The following CCDC141 variants were observed in gnomAD, a reference collection of about 807,000 sequenced individuals.
CCDC141 encodes coiled-coil domain-containing protein 141.
A neutral mutation model predicts 181.0 loss-of-function variants in CCDC141; 168 were observed. That is an observed-to-expected ratio of 0.93 (90% CI 0.82 to 1.05). CCDC141 has a LOEUF of 1.05. CCDC141 is among the 50% of genes least tolerant of loss of function. The pLI is 0.00. For missense variants in CCDC141, 1,902 were observed against 1,788.5 expected (o/e 1.06, Z -1.14); for synonymous variants, 666 against 642.3 (o/e 1.04, Z -0.56).
intron 2 of CCDC141, among the ~76,000 whole-genome samples, chr2:179,015,697 CAT>C (rs1476949206): frequency 9.2e-5 from 11 of 119,064 alleles, no homozygotes; most frequent in African/African-American, 2.0e-4. Context: ...ATACATATCT[CAT>C]ATATATATCT....
At position 178,837,673 on chromosome 2, in the gene CCDC141, C is replaced by A; in HGVS notation, c.3546G>T (p.Lys1182Asn). ...TGEERLPQDL[K>N]VSTDKEGGVQ... ...CGCCACCCTCCTTGTCAGTGGACAC[C>A]TTCAGGTCTTGTGGTAGTCGCTCTT... is the stretch of plus-strand genomic sequence containing the variant. Residue 1182 changes from lysine to asparagine, a missense_variant, in exon 23 of 24, where the codon AAG becomes AAT. Coordinates refer to ENST00000443758, the MANE Select transcript of CCDC141 (RefSeq NM_173648.4). 1 of 1,614,066 alleles carries A rather than the reference C, an allele frequency of 6.2e-7. No homozygotes were observed. The highest frequency in any genetic ancestry group is 8.5e-7 in the Non-Finnish European group (1 of 1,179,958).
At chr2:179,041,749 G>T (rs1048339898) in intron 2 of CCDC141, among the ~76,000 whole-genome samples, 2 of 152,026 alleles carry the variant, frequency 1.3e-5, no homozygotes, top group Non-Finnish European at 2.9e-5. Context: ...AACAGAAAAA[G>T]CAAGATTTGC....
intron 2 of CCDC141, among the ~76,000 whole-genome samples, chr2:179,046,535 C>T (rs771900961): frequency 1.5e-4 from 23 of 152,216 alleles, no homozygotes; most frequent in Non-Finnish European, 2.9e-4. Context: ...ATGTCCTTTG[C>T]ACTGAGTCAT....
At chr2:178,964,327 G>A (rs1162860203) in intron 4 of CCDC141, among the ~76,000 whole-genome samples, 1 of 152,116 alleles carries the variant, frequency 6.6e-6, no homozygotes, top group Admixed American at 6.6e-5. Context: ...TCTCCACAGG[G>A]TTTCCTTCCT....
At chr2:179,032,437 C>G (rs933180193) in intron 2 of CCDC141, among the ~76,000 whole-genome samples, 3 of 152,136 alleles carry the variant, frequency 2.0e-5, no homozygotes, top group Admixed American at 6.6e-5. Context: ...GGGATTTTCC[C>G]TCTCCCTCTC....
intron 7 of CCDC141, among the ~76,000 whole-genome samples, chr2:178,915,089 C>T (rs1402150529): frequency 6.6e-6 from 1 of 151,968 alleles, no homozygotes; most frequent in Non-Finnish European, 1.5e-5. Context: ...GAGAGGATTA[C>T]CTGAGCCCCG....
Position 178,944,536 on chromosome 2 carries a change from T to C in CCDC141, c.896A>G (p.Lys299Arg), listed in dbSNP as rs1276794216. The change falls in exon 6 of 24, where the codon AAG becomes AGG. Residue 299 changes from lysine (K) to arginine (R), a missense_variant and splice_region_variant. Physicochemically the swap from Lys to Arg is conservative, Grantham distance 26. Coordinates refer to ENST00000443758, the MANE Select transcript of CCDC141 (RefSeq NM_173648.4). ...HKQEELIIKA[K>R]EWNSAVEKLK... ...TAGTGTGTCTAATATATCTCTTACC[T>C]TTGCTTTTATTATCAGTTCCTCTTG... is the stretch of plus-strand genomic sequence containing the variant. 6.9e-7 allele frequency: 1 copy of C among 1,443,384 alleles called. No homozygotes were observed. The highest frequency in any genetic ancestry group is 2.5e-5 in the East Asian group (1 of 39,710). 89.4% of individuals were successfully genotyped at this position (1,443,384 alleles called of 1,614,324 possible).
chr2:178,940,931 G>C (rs538987763), intron 6 of CCDC141, among the ~76,000 whole-genome samples: 1 of 152,242 alleles, frequency 6.6e-6, no homozygotes, highest in South Asian at 2.1e-4. Context: ...TCCTTTACAG[G>C]ATTTGAAAAT....
rs756163568 is a variant in CCDC141 at position 179,004,181 on chromosome 2, T to C, written c.226-25506A>G. ...AGAATGAAATGTTGCATTTTGGGAT[T>C]TGTAGTTCCTTTGGGCTGAAGACTG... On this transcript the variant is annotated intron_variant, in intron 2 of 23. Transcript: ENST00000443758. 4.6e-5 allele frequency among the ~76,000 whole-genome samples: 7 copies of C among 152,290 alleles called. No homozygotes were observed. The South Asian group carries it at 8.3e-4, about 18-fold the overall frequency.
chr2:179,014,188 A>G (rs759150535), intron 2 of CCDC141, among the ~76,000 whole-genome samples: 1 of 152,098 alleles, frequency 6.6e-6, no homozygotes, highest in Non-Finnish European at 1.5e-5. Context: ...ACCCTTTTCA[A>G]CAAATGGTGC....
intron 12 of CCDC141, among the ~76,000 whole-genome samples, chr2:178,872,736 G>T (rs1686177270): frequency 6.6e-6 from 1 of 152,190 alleles, no homozygotes; most frequent in Non-Finnish European, 1.5e-5. Flanking sequence ...GGGACGGATT[G>T]TTCTGGACTG....
At chr2:179,000,928 T>C (rs978016383) in intron 2 of CCDC141, among the ~76,000 whole-genome samples, 5 of 152,190 alleles carry the variant, frequency 3.3e-5, no homozygotes, top group Admixed American at 2.6e-4. Context: ...CCTTGAACTG[T>C]TTTTTATTCC....
rs148277798 is a variant in CCDC141 at position 178,999,626 on chromosome 2, G to A, written c.226-20951C>T. Among the ~76,000 whole-genome samples the A allele has an allele frequency of 1.8e-3, 276 of 152,042 alleles. 2 individuals are homozygous for A. Among genetic ancestry groups the A allele is most frequent in the East Asian group, 0.012 (61 of 5,170 alleles). Reference sequence around the variant, plus strand: ...TCCTCAGTGCTTGATTCTTTTTTTAGTCTTATCCCTGTTGGCTGACTCCCT... The same window carrying A: ...TCCTCAGTGCTTGATTCTTTTTTTAATCTTATCCCTGTTGGCTGACTCCCT... On this transcript the variant is annotated intron_variant, in intron 2 of 23. Transcript: ENST00000443758.
At chr2:179,048,510 T>C (rs1343793819) in intron 1 of CCDC141, among the ~76,000 whole-genome samples, 4 of 152,212 alleles carry the variant, frequency 2.6e-5, no homozygotes, top group African/African-American at 7.2e-5. Context: ...TCCTCTAATA[T>C]TATTCCTCAT....
At chr2:179,015,143 A>C (rs56105301) in intron 2 of CCDC141, among the ~76,000 whole-genome samples, 2 of 126,046 alleles carry the variant, frequency 1.6e-5, no homozygotes, top group South Asian at 2.5e-4. Flanking sequence ...TATCATATAT[A>C]TCAATATATC....
At chr2:178,983,185 G>A (rs1037925131) in intron 2 of CCDC141, among the ~76,000 whole-genome samples, 3 of 152,146 alleles carry the variant, frequency 2.0e-5, no homozygotes, top group Non-Finnish European at 2.9e-5. Context: ...TAACTGGGAG[G>A]CACCCTCCAG....
chr2:178,913,960 C>CTCATT (rs1688331280), intron 7 of CCDC141, among the ~76,000 whole-genome samples: 1 of 152,192 alleles, frequency 6.6e-6, no homozygotes, highest in Admixed American at 6.5e-5. Context: ...ACAGGCTCAC[C>CTCATT]TCATTCTGTT....
chr2:178,871,236 A>G (rs1317762335), intron 14 of CCDC141, among the ~76,000 whole-genome samples, 191 bp downstream of exon 14: 2 of 152,214 alleles, frequency 1.3e-5, no homozygotes, highest in African/African-American at 4.8e-5. Flanking sequence ...TAATGCTGGT[A>G]TATCATCAAA....
At position 178,918,939 on chromosome 2, in the gene CCDC141, T is replaced by A. The variant is rs536429348; in HGVS notation, c.898-32A>T. The A allele has an allele frequency of 1.1e-5, 17 of 1,528,034 alleles. 1 individual carries two copies. The Admixed American group carries it at 2.4e-4, about 21-fold the overall frequency. The allele number at this position is 1,528,034 out of a possible 1,614,324, so 94.7% of individuals were successfully genotyped here. On this transcript the variant is annotated intron_variant, in intron 6 of 23. Transcript: ENST00000443758. ...GAGATTATTCTTATTATTTTATACA[T>A]CTCCTCTGTTATGGACCGAATGCTT...
Sources: gnomAD v4.1 joint callset for allele counts (sites outside exome capture counted in the v4.1 genomes callset) on GRCh38, gnomAD v4.1.1 for gene constraint, MANE v1.5 for transcripts, NCBI Gene and HGNC (gene_info 2026-07-23, HGNC 2026-07-21) for gene names.